The following SLC5A5 variants were observed in gnomAD, a reference collection of about 807,000 sequenced individuals.
The protein encoded by SLC5A5 is solute carrier family 5 member 5.
In SLC5A5, 56 loss-of-function variants were observed where a neutral mutation model predicts 68.6. That is an observed-to-expected ratio of 0.82 (90% CI 0.66 to 1.02). The LOEUF is 1.02. SLC5A5 is among the 50% of genes least tolerant of loss of function. The pLI is 0.00. For synonymous variants in SLC5A5, 398 were observed against 373.0 expected, an observed-to-expected ratio of 1.07 and a Z score of -0.77; for missense variants, 807 against 859.8, an observed-to-expected ratio of 0.94 and a Z score of 0.77.
intron 14 of SLC5A5, among the ~76,000 whole-genome samples, chr19:17,891,259 G>A (rs2030158239): frequency 6.6e-6 from 1 of 152,056 alleles, no homozygotes; most frequent in Admixed American, 6.6e-5. Flanking sequence ...AGGCTGGAGT[G>A]CAGTGGTGCA....
chr19:17,886,550 C>T (rs1356927639), intron 12 of SLC5A5, among the ~76,000 whole-genome samples: 3 of 152,188 alleles, frequency 2.0e-5, no homozygotes, highest in Non-Finnish European at 4.4e-5. Context: ...TCAGATGATC[C>T]GCCTGCCTTG....
intron 10 of SLC5A5, among the ~76,000 whole-genome samples, chr19:17,883,223 C>T (rs550673330): frequency 4.6e-5 from 7 of 151,308 alleles, no homozygotes; most frequent in South Asian, 2.1e-4. Context: ...CCTTCCAAGT[C>T]GCTGAGATTA....
In SLC5A5 at chr19:17,894,094, C is replaced by T. The variant is rs900705563; in HGVS notation, c.*217C>T. The T allele has an allele frequency of 7.0e-6, 4 of 572,986 alleles. No homozygotes were observed. The highest frequency in any genetic ancestry group is 2.1e-5 in the South Asian group (1 of 47,640). The allele number at this position is 572,986 out of a possible 1,614,324, so 35.5% of individuals were successfully genotyped here. A position where few individuals can be genotyped will look rare whatever the true frequency, so the allele number is the denominator to read the frequency against. ...CTTCAACCGTCCCCAGTATTAGACGCTGCAGCCCTGACGGCTCCCCCCAAA... is the reference window on the plus strand; with the variant it reads ...CTTCAACCGTCCCCAGTATTAGACGTTGCAGCCCTGACGGCTCCCCCCAAA... On this transcript the variant is annotated 3_prime_UTR_variant, in exon 15 of 15. Transcript: ENST00000222248.
intron 8 of SLC5A5, among the ~76,000 whole-genome samples, chr19:17,881,322 A>G (rs1428557893): frequency 6.6e-6 from 1 of 151,070 alleles, no homozygotes; most frequent in East Asian, 1.9e-4. Context: ...GCTGGAGTGC[A>G]GTGGTGCCAT....
Position 17,877,743 on chromosome 19 carries a change from G to A in SLC5A5, c.719G>A (p.Ser240Asn). Residue 240 changes from serine to asparagine, a missense_variant, in exon 6 of 15, where the codon AGC becomes AAC. Coordinates refer to ENST00000222248, the MANE Select transcript of SLC5A5 (RefSeq NM_000453.3). Reference sequence around the variant, plus strand: ...CCCAGCTTTAACCCTGACCCGAGGAGCCGCTATACATTCTGGACTTTTGTG... The same window carrying A: ...CCCAGCTTTAACCCTGACCCGAGGAACCGCTATACATTCTGGACTTTTGTG... ...NLMDFNPDPR[S>N]RYTFWTFVVG... The A allele has an allele frequency of 1.9e-6, 3 of 1,614,220 alleles. No individual in the cohort carries two copies. The highest frequency in any genetic ancestry group is 2.5e-6 in the Non-Finnish European group (3 of 1,180,026).
At chr19:17,882,931 C>T (rs1246961699) in intron 10 of SLC5A5, among the ~76,000 whole-genome samples, 1 of 152,170 alleles carries the variant, frequency 6.6e-6, no homozygotes, top group African/African-American at 2.4e-5. Flanking sequence ...GATCCGCCCT[C>T]CTCGGCCTCC....
rs377386904 is a variant in SLC5A5 at position 17,877,737 on chromosome 19, C to G, written c.713C>G (p.Pro238Arg). The G allele has an allele frequency of 1.9e-6, 3 of 1,614,136 alleles. No homozygotes were observed. Among genetic ancestry groups the G allele is most frequent in the Non-Finnish European group, 2.5e-6 (3 of 1,179,988 alleles). ...TCCCCACCCAGCTTTAACCCTGACC[C>G]GAGGAGCCGCTATACATTCTGGACT... is the stretch of plus-strand genomic sequence containing the variant. The part of the protein sequence containing the change: ...RINLMDFNPD[P>R]RSRYTFWTFV... Residue 238 changes from proline to arginine, a missense_variant, in exon 6 of 15, where the codon CCG (proline) becomes CGG (arginine). Coordinates refer to ENST00000222248, the MANE Select transcript of SLC5A5 (RefSeq NM_000453.3).
chr19:17,881,549 G>C (rs541529811), intron 8 of SLC5A5, among the ~76,000 whole-genome samples: 1 of 152,328 alleles, frequency 6.6e-6, no homozygotes, highest in East Asian at 1.9e-4. Flanking sequence ...TTGCAGGCAT[G>C]AGCCAACGTG....
At chr19:17,891,820 C>G (rs534283983) in intron 14 of SLC5A5, among the ~76,000 whole-genome samples, 2 of 152,148 alleles carry the variant, frequency 1.3e-5, no homozygotes, top group Non-Finnish European at 2.9e-5. Context: ...CATGCCTACC[C>G]CTGTTTTGGA....
At chr19:17,874,416 C>A in intron 2 of SLC5A5, 78 bp from the exon 3 acceptor site, 2 of 1,405,280 alleles carry the variant, frequency 1.4e-6, no homozygotes, top group Non-Finnish European at 2.0e-6. Context: ...ATTCTGGGAC[C>A]ACCCTTCTGC....
chr19:17,883,073 G>C (rs1329649202), intron 10 of SLC5A5, among the ~76,000 whole-genome samples: 1 of 152,006 alleles, frequency 6.6e-6, no homozygotes, highest in Non-Finnish European at 1.5e-5. Context: ...ACCCGCCTCT[G>C]CCTCCCAAAG....
rs1599938550 is a variant in SLC5A5 at position 17,893,633 on chromosome 19, C to T, written c.1768-80C>T. 2.8e-6 allele frequency: 4 copies of T among 1,427,026 alleles called. No individual in the cohort carries two copies. The East Asian group carries it at 9.3e-5, about 33-fold the overall frequency. 88.4% of individuals were successfully genotyped at this position (1,427,026 alleles called of 1,614,324 possible). ...CCCCGTCCCGCCAGGTCATCAGTAG[C>T]CCATCTGGGAGATGAGCTGACACGG... On this transcript the variant is annotated intron_variant, in intron 14 of 14. Transcript: ENST00000222248.
chr19:17,893,379 A>G (rs1568427656), intron 14 of SLC5A5, among the ~76,000 whole-genome samples: 1 of 152,138 alleles, frequency 6.6e-6, no homozygotes, highest in East Asian at 1.9e-4. Flanking sequence ...CTAGGATTAC[A>G]GGGGTGAGCC....
Position 17,895,083 on chromosome 19 carries a change from C to G in SLC5A5, c.*1206C>G, listed in dbSNP as rs1269774623. 2.0e-5 allele frequency: 3 copies of G among 151,942 alleles called. No homozygotes were observed. Among genetic ancestry groups the G allele is most frequent in the Non-Finnish European group, 4.4e-5 (3 of 68,006 alleles). The allele number at this position is 151,942 out of a possible 1,614,324, so 9.4% of individuals were successfully genotyped here. On this transcript the variant is annotated 3_prime_UTR_variant, in exon 15 of 15. Transcript: ENST00000222248. ...GCATGAGATGCATTATTTCTTAGAG[C>G]CTTTAGAGGGAACATGGCCCTACTG... is the stretch of plus-strand genomic sequence containing the variant.
At chr19:17,882,343 T>G in intron 10 of SLC5A5, 124 bp downstream of exon 10, 6 of 809,432 alleles carry the variant, frequency 7.4e-6, no homozygotes, top group Non-Finnish European at 1.2e-5. Context: ...TCTATGTTTT[T>G]TTTTTTTTTG....
chr19:17,872,669 C>G lies in SLC5A5; in HGVS notation c.350C>G (p.Thr117Ser). 1 of 1,589,314 alleles carries G rather than the reference C, an allele frequency of 6.3e-7. No individual in the cohort carries two copies. The highest frequency in any genetic ancestry group is 8.6e-7 in the Non-Finnish European group (1 of 1,162,672). The change falls in exon 1 of 15, where the codon ACC (threonine) becomes AGC (serine). Residue 117 changes from threonine to serine, a missense_variant. Thr to Ser is a moderately conservative substitution (Grantham distance 58, BLOSUM62 1). Transcript: ENST00000222248. Reference protein sequence around the residue: ...PVFYRLGLTSTYEYLEMRFSR... With the variant: ...PVFYRLGLTSSYEYLEMRFSR... ...TTCTACCGCCTGGGCCTCACCAGCACCTACGAGGTACCGGACAGAGGCCCG... is the reference window on the plus strand; with the variant it reads ...TTCTACCGCCTGGGCCTCACCAGCAGCTACGAGGTACCGGACAGAGGCCCG...
chr19:17,875,097 C>A (rs529457634), intron 4 of SLC5A5, among the ~76,000 whole-genome samples: 1 of 152,168 alleles, frequency 6.6e-6, no homozygotes, highest in African/African-American at 2.4e-5. Flanking sequence ...CGGCCGGGCG[C>A]GGTGGCTCAC....
rs1358472483 is a variant in SLC5A5 at position 17,883,854 on chromosome 19, T to C, written c.1334T>C (p.Val445Ala). Residue 445 changes from valine (V) to alanine (A), a missense_variant, in exon 12 of 15, where the codon GTC (valine) becomes GCC (alanine). Val to Ala is a moderately conservative substitution (Grantham distance 64, BLOSUM62 0). Transcript: ENST00000222248. ...MFLPACNTPG[V>A]LAGLGAGLAL... ...TGACGCCGGCTCTGCCCCCAGGGCG[T>C]CCTCGCGGGACTAGGCGCGGGCTTG... 9 of 1,596,724 alleles carry C rather than the reference T, an allele frequency of 5.6e-6. No homozygotes were observed. In the African/African-American group the frequency reaches 1.2e-4, roughly 21 times the overall value.
intron 12 of SLC5A5, among the ~76,000 whole-genome samples, chr19:17,886,278 G>A (rs1356820730): frequency 1.3e-5 from 2 of 150,354 alleles, no homozygotes; most frequent in Non-Finnish European, 1.5e-5. Context: ...ACCTATGAGT[G>A]GAATTGCTGG....
Sources: gnomAD v4.1 joint callset for allele counts (sites outside exome capture counted in the v4.1 genomes callset) on GRCh38, gnomAD v4.1.1 for gene constraint, MANE v1.5 for transcripts, NCBI Gene and HGNC (gene_info 2026-07-23, HGNC 2026-07-21) for gene names.